The following KCND2 variants were observed in gnomAD, a reference collection of about 807,000 sequenced individuals.
The protein encoded by KCND2 is A-type voltage-gated potassium channel KCND2.
A neutral mutation model predicts 54.4 loss-of-function variants in KCND2; 16 were observed. The observed-to-expected ratio is 0.29, with a 90% CI of 0.20 to 0.45. The LOEUF (loss-of-function observed/expected upper bound fraction) is 0.45, where lower values mean the gene tolerates loss of function less well. Among genes scored for constraint, KCND2 ranks in the 20% least tolerant of loss-of-function variants. The pLI is 1.00. For synonymous variants in KCND2, 317 were observed against 310.7 expected (o/e 1.02, Z -0.21); for missense variants, 486 against 824.2 (o/e 0.59, Z 5.02).
chr7:120,469,617 G>A (rs1802425080), intron 1 of KCND2, among the ~76,000 whole-genome samples: 1 of 152,096 alleles, frequency 6.6e-6, no homozygotes, highest in African/African-American at 2.4e-5. Context: ...CAGATGCATA[G>A]GATATGTCCC....
intron 1 of KCND2, among the ~76,000 whole-genome samples, chr7:120,700,592 A>G (rs1232466319): frequency 6.6e-6 from 1 of 152,216 alleles, no homozygotes; most frequent in African/African-American, 2.4e-5. Context: ...CCCTTTCAAC[A>G]TCAAACTTTG....
At chr7:120,635,108 T>C (rs1177599054) in intron 1 of KCND2, among the ~76,000 whole-genome samples, 1 of 152,262 alleles carries the variant, frequency 6.6e-6, no homozygotes, top group African/African-American at 2.4e-5. Context: ...CTTTTACTTT[T>C]ACTTTTCTTC....
At chr7:120,290,335 A>C (rs1211511998) in intron 1 of KCND2, among the ~76,000 whole-genome samples, 1 of 152,064 alleles carries the variant, frequency 6.6e-6, no homozygotes, top group Non-Finnish European at 1.5e-5. Flanking sequence ...GTCAATATAC[A>C]TTAAAATAAT....
chr7:120,562,003 G>A (rs534033289), intron 1 of KCND2, among the ~76,000 whole-genome samples: 85 of 152,260 alleles, frequency 5.6e-4, no homozygotes, highest in Admixed American at 5.3e-3. Context: ...AGGAGTAGAA[G>A]TTGGTAATGA....
chr7:120,711,471 TAAG>T (rs1168185297), intron 1 of KCND2, among the ~76,000 whole-genome samples: 1 of 152,122 alleles, frequency 6.6e-6, no homozygotes, highest in Non-Finnish European at 1.5e-5. Flanking sequence ...TTTTCAAACT[TAAG>T]AAATTCTAGA....
intron 1 of KCND2, among the ~76,000 whole-genome samples, chr7:120,688,056 C>G (rs1792226114): frequency 6.6e-6 from 1 of 152,172 alleles, no homozygotes; most frequent in African/African-American, 2.4e-5. Flanking sequence ...CAGTCACACA[C>G]ATGGGTGAAT....
intron 1 of KCND2, among the ~76,000 whole-genome samples, chr7:120,566,740 A>G (rs538287422): frequency 9.4e-6 from 1 of 106,758 alleles, no homozygotes; most frequent in Admixed American, 1.1e-4. Context: ...CAGATATGTA[A>G]TATATATATT....
intron 1 of KCND2, among the ~76,000 whole-genome samples, chr7:120,663,953 G>GGTCCGGTATGAATTAAATAATGT (rs1554382882): frequency 6.6e-6 from 1 of 152,168 alleles, no homozygotes. Context: ...ATTTGCATAG[G>GGTCCGGTATGAATTAAATAATGT]AGAAAAGAGG....
chr7:120,465,673 C>T (rs1802358252), intron 1 of KCND2, among the ~76,000 whole-genome samples: 1 of 144,102 alleles, frequency 6.9e-6, no homozygotes, highest in African/African-American at 2.5e-5. Context: ...TCAGATAGAC[C>T]TGTCTGTCTG....
intron 1 of KCND2, among the ~76,000 whole-genome samples, chr7:120,667,387 AG>A (rs1791940514): frequency 6.6e-6 from 1 of 152,054 alleles, no homozygotes; most frequent in South Asian, 2.1e-4. Context: ...GCAGCCATCC[AG>A]GGATCAAGGT....
chr7:120,360,744 G>T (rs1031452286), intron 1 of KCND2, among the ~76,000 whole-genome samples: 1 of 151,778 alleles, frequency 6.6e-6, no homozygotes, highest in Admixed American at 6.6e-5. Flanking sequence ...TAATCTTGAC[G>T]CCAGTGTTAC....
In KCND2 at chr7:120,455,853, A is replaced by G. The variant is rs375365488; in HGVS notation, c.1115+180106A>G. 5.9e-4 allele frequency among the ~76,000 whole-genome samples: 90 copies of G among 152,262 alleles called. No homozygotes were observed. The Middle Eastern group carries it at 0.01, about 17-fold the overall frequency. On this transcript the variant is annotated intron_variant, in intron 1 of 5. Transcript: ENST00000331113. Reference sequence around the variant, plus strand: ...GAAGGAGAGGATGGAAAAACTACCTATTAAGTACTATGCTTATTACCTGGT... The same window carrying G: ...GAAGGAGAGGATGGAAAAACTACCTGTTAAGTACTATGCTTATTACCTGGT...
At chr7:120,538,920 A>G (rs570565153) in intron 1 of KCND2, among the ~76,000 whole-genome samples, 55 of 152,256 alleles carry the variant, frequency 3.6e-4, no homozygotes, top group African/African-American at 1.3e-3. Flanking sequence ...AACTTATTTC[A>G]GTGTTTTATA....
chr7:120,427,526 C>T (rs1801728087), intron 1 of KCND2, among the ~76,000 whole-genome samples: 1 of 152,158 alleles, frequency 6.6e-6, no homozygotes, highest in Non-Finnish European at 1.5e-5. Context: ...ACATTTCAAC[C>T]ACTACTATTA....
At chr7:120,715,437 C>T (rs1373931460) in intron 1 of KCND2, among the ~76,000 whole-genome samples, 1 of 152,038 alleles carries the variant, frequency 6.6e-6, no homozygotes, top group Non-Finnish European at 1.5e-5. Flanking sequence ...TTCTTATCTG[C>T]ATCCATTACT....
chr7:120,676,517 G>A (rs7812111), intron 1 of KCND2, among the ~76,000 whole-genome samples: 24,328 of 151,892 alleles, frequency 0.16, 2,244 homozygotes, highest in African/African-American at 0.25. Context: ...AACCTGTCTC[G>A]TATTTTCTTC....
intron 1 of KCND2, among the ~76,000 whole-genome samples, chr7:120,520,933 C>T (rs980440780): frequency 8.5e-5 from 13 of 152,090 alleles, no homozygotes; most frequent in African/African-American, 2.9e-4. Flanking sequence ...TCTGCATTGT[C>T]TCTAATGAGA....
At chr7:120,657,293 T>G (rs1340242908) in intron 1 of KCND2, among the ~76,000 whole-genome samples, 1 of 152,170 alleles carries the variant, frequency 6.6e-6, no homozygotes, top group Non-Finnish European at 1.5e-5. Context: ...GAACCCATGT[T>G]ATTATAAATA....
At position 120,274,949 on chromosome 7, in the gene KCND2, A is replaced by G. The variant is rs1562993507; in HGVS notation, c.317A>G (p.Tyr106Cys). The change falls in exon 1 of 6, where the codon TAT becomes TGT. Residue 106 changes from tyrosine to cysteine, a missense_variant. Tyr to Cys is a radical substitution (Grantham distance 194). Around this residue, in one of 7 missense-constraint regions of KCND2, gnomAD observed 231 missense variants for 386.0 expected, o/e 0.60. Coordinates refer to ENST00000331113, the MANE Select transcript of KCND2 (RefSeq NM_012281.3). The stretch of plus-strand genomic sequence containing the variant: ...TTCTACCGCACTGGGAAGCTCCACT[A>G]TCCTCGCCACGAGTGCATCTCTGCT... ...LNFYRTGKLH[Y>C]PRHECISAYD... 8 of 1,614,018 alleles carry G rather than the reference A, an allele frequency of 5.0e-6. No individual in the cohort carries two copies. Among genetic ancestry groups the G allele is most frequent in the Non-Finnish European group, 6.8e-6 (8 of 1,180,000 alleles).
Sources: allele counts gnomAD v4.1 joint callset (sites outside exome capture counted in the v4.1 genomes callset), GRCh38; gene constraint gnomAD v4.1.1; regional missense constraint gnomAD v4.1.1; transcripts MANE v1.5; gene names NCBI Gene and HGNC (gene_info 2026-07-23, HGNC 2026-07-21).